The following CADPS variants were observed in gnomAD, a reference collection of about 807,000 sequenced individuals.
CADPS encodes calcium-dependent secretion activator 1.
In CADPS, 57 loss-of-function variants were observed where a neutral mutation model predicts 167.3. That is an observed-to-expected ratio of 0.34 (90% CI 0.28 to 0.42). CADPS has a LOEUF of 0.42. Among genes scored for constraint, CADPS ranks in the 20% least tolerant of loss-of-function variants. The pLI, the probability that CADPS is intolerant of heterozygous loss-of-function variation, is 1.00. For synonymous variants in CADPS, 676 were observed against 635.3 expected, an observed-to-expected ratio of 1.06 and a Z score of -0.96; for missense variants, 1,414 against 1,738.1, an observed-to-expected ratio of 0.81 and a Z score of 3.32.
intron 3 of CADPS, among the ~76,000 whole-genome samples, chr3:62,716,112 T>C (rs550788503): frequency 6.6e-6 from 1 of 152,240 alleles, no homozygotes; most frequent in Non-Finnish European, 1.5e-5. Context: ...CAGGCTGGAA[T>C]GTAGTGGCAT....
intron 3 of CADPS, among the ~76,000 whole-genome samples, chr3:62,668,143 TC>T (rs1335425552): frequency 5.9e-5 from 9 of 152,206 alleles, no homozygotes; most frequent in African/African-American, 2.2e-4. Context: ...AGGATGTGAT[TC>T]AAATACACAG....
chr3:62,592,661 C>A lies in CADPS; in HGVS notation c.1413G>T (p.Ala471=). 1.2e-6 allele frequency: 2 copies of A among 1,613,846 alleles called. No individual in the cohort carries two copies. Among genetic ancestry groups the A allele is most frequent in the South Asian group, 1.1e-5 (1 of 91,068 alleles). The change falls in exon 7 of 30, where the codon GCG becomes GCT. Residue 471 remains alanine, a synonymous_variant. Transcript: ENST00000383710. The part of the protein sequence containing the change: ...KLFTESTGVL[A]LEDKELGRVI... The stretch of plus-strand genomic sequence containing the variant: ...CCCGCCCAAGCTCCTTGTCCTCCAA[C>A]GCCAGGACGCCTGTGCTCTCTGTGA...
chr3:62,667,896 G>T (rs1057457632), intron 3 of CADPS, among the ~76,000 whole-genome samples: 1 of 152,132 alleles, frequency 6.6e-6, no homozygotes, highest in Non-Finnish European at 1.5e-5. Context: ...ACCTCTAGGG[G>T]GATGAAGAAA....
rs761880928 is a variant in CADPS, at chr3:62,478,552, C to A, written c.3174-136G>T. On this transcript the variant is annotated intron_variant, in intron 22 of 29. Transcript: ENST00000383710. This position sits in a 1 kb window ranked among gnomAD's most constrained non-coding sequence, Gnocchi z 5.7. ...AAACAACGTGTGTTGGCGGTGGAGGCGGGGGCGAGTCTCCACCGGCAGATT... is the reference window on the plus strand; with the variant it reads ...AAACAACGTGTGTTGGCGGTGGAGGAGGGGGCGAGTCTCCACCGGCAGATT... 2 of 769,352 alleles carry A rather than the reference C, an allele frequency of 2.6e-6. No homozygotes were observed. The highest frequency in any genetic ancestry group is 3.5e-5 in the African/African-American group (2 of 56,952). The allele number at this position is 769,352 out of a possible 1,614,324, so 47.7% of individuals were successfully genotyped here. A position where few individuals can be genotyped will look rare whatever the true frequency, so the allele number is the denominator to read the frequency against.
intron 8 of CADPS, among the ~76,000 whole-genome samples, chr3:62,577,047 A>T (rs1417754210): frequency 6.6e-6 from 1 of 152,038 alleles, no homozygotes; most frequent in African/African-American, 2.4e-5. Context: ...GCTACAAAGG[A>T]TTAAAAAAAG....
intron 8 of CADPS, among the ~76,000 whole-genome samples, chr3:62,581,647 C>G (rs974151104): frequency 6.6e-6 from 1 of 152,010 alleles, no homozygotes; most frequent in African/African-American, 2.4e-5. Flanking sequence ...CACCTTTGCA[C>G]TCCAGTCTGG....
At chr3:62,867,081 T>C (rs944468267) in intron 1 of CADPS, among the ~76,000 whole-genome samples, 1 of 152,086 alleles carries the variant, frequency 6.6e-6, no homozygotes, top group African/African-American at 2.4e-5. Context: ...TACACAAACA[T>C]AAAAGCATTT....
At chr3:62,451,575 T>G (rs1488038657) in intron 26 of CADPS, among the ~76,000 whole-genome samples, 2 of 151,484 alleles carry the variant, frequency 1.3e-5, no homozygotes, top group Non-Finnish European at 2.9e-5. Context: ...ACCACCGCAT[T>G]AGTGACTGCC....
chr3:62,528,665 T>A (rs1275440356), intron 13 of CADPS, among the ~76,000 whole-genome samples: 1 of 152,208 alleles, frequency 6.6e-6, no homozygotes, highest in Admixed American at 6.5e-5. Flanking sequence ...AAACGGGATC[T>A]GATACTCCTA....
At chr3:62,456,839 G>C (rs1331672200) in intron 26 of CADPS, among the ~76,000 whole-genome samples, 1 of 151,540 alleles carries the variant, frequency 6.6e-6, no homozygotes, top group African/African-American at 2.4e-5. Flanking sequence ...TCAGTAAAAT[G>C]CTCCTGCTGT....
chr3:62,553,585 C>A (rs1200040502), intron 10 of CADPS, among the ~76,000 whole-genome samples: 2 of 152,120 alleles, frequency 1.3e-5, no homozygotes, highest in African/African-American at 4.8e-5. Flanking sequence ...TCATTATTAA[C>A]AATAAAATGA....
chr3:62,757,473 G>C (rs1267704316), intron 2 of CADPS, among the ~76,000 whole-genome samples: 1 of 152,118 alleles, frequency 6.6e-6, no homozygotes, highest in Non-Finnish European at 1.5e-5. Context: ...TGTGGAATGA[G>C]TGAATGAACT....
At chr3:62,722,505 G>A (rs995238681) in intron 3 of CADPS, among the ~76,000 whole-genome samples, 2 of 152,222 alleles carry the variant, frequency 1.3e-5, no homozygotes, top group Non-Finnish European at 2.9e-5. Flanking sequence ...GACTGGCTGA[G>A]ATCCTGTGTC....
intron 1 of CADPS, among the ~76,000 whole-genome samples, chr3:62,852,408 G>T (rs1283063544): frequency 1.3e-5 from 2 of 151,988 alleles, no homozygotes; most frequent in Non-Finnish European, 2.9e-5. Flanking sequence ...TTCCTATTCG[G>T]CCATCTTGGC....
chr3:62,685,037 TTAC>T (rs1278860500), intron 3 of CADPS, among the ~76,000 whole-genome samples: 1 of 152,034 alleles, frequency 6.6e-6, no homozygotes, highest in East Asian at 1.9e-4. Flanking sequence ...TAGACTGATT[TTAC>T]TACTTTGATT....
At chr3:62,451,612 A>G (rs994859554) in intron 26 of CADPS, among the ~76,000 whole-genome samples, 2 of 152,092 alleles carry the variant, frequency 1.3e-5, no homozygotes, top group African/African-American at 2.4e-5. Context: ...TCTCACAAAA[A>G]AAAAGGAAAA....
At chr3:62,405,139 G>A (rs866987786) in intron 28 of CADPS, among the ~76,000 whole-genome samples, 2 of 36,830 alleles carry the variant, frequency 5.4e-5, no homozygotes, top group Non-Finnish European at 1.8e-4. Flanking sequence ...TGTAATCTGG[G>A]GGGGGGGGGG....
At chr3:62,864,550 T>C (rs780035154) in intron 1 of CADPS, among the ~76,000 whole-genome samples, 4 of 152,196 alleles carry the variant, frequency 2.6e-5, no homozygotes, top group Non-Finnish European at 5.9e-5. Context: ...TGACAATCTT[T>C]GGTGTTCCTT....
intron 3 of CADPS, among the ~76,000 whole-genome samples, chr3:62,670,015 C>A (rs984438099): frequency 6.6e-6 from 1 of 152,098 alleles, no homozygotes; most frequent in African/African-American, 2.4e-5. Flanking sequence ...AGGGAATAAT[C>A]CTTAGGAAAA....
Sources: gnomAD v4.1 joint callset for allele counts (sites outside exome capture counted in the v4.1 genomes callset) on GRCh38, gnomAD v4.1.1 for gene constraint, Gnocchi (gnomAD v3.1) non-coding constraint, MANE v1.5 for transcripts, NCBI Gene and HGNC (gene_info 2026-07-23, HGNC 2026-07-21) for gene names.